SHROOM3: variants seen among roughly 807,000 people sequenced by gnomAD.
SHROOM3 encodes protein Shroom3.
In SHROOM3, 47 loss-of-function variants were observed where a neutral mutation model predicts 138.6. That is an observed-to-expected ratio of 0.34 (90% CI 0.27 to 0.43). The LOEUF is 0.43. Among genes scored for constraint, SHROOM3 ranks in the 20% least tolerant of loss-of-function variants. The pLI, the probability that SHROOM3 is intolerant of heterozygous loss-of-function variation, is 1.00. For synonymous variants in SHROOM3, 1,062 were observed against 1,063.3 expected (o/e 1.00, Z 0.02); for missense variants, 2,491 against 2,596.5 (o/e 0.96, Z 0.88).
chr4:76,544,546 T>TC (rs1733172092), intron 1 of SHROOM3, among the ~76,000 whole-genome samples: 1 of 150,704 alleles, frequency 6.6e-6, no homozygotes, highest in Admixed American at 6.6e-5. Context: ...CCTCCTGGCT[T>TC]TTTTTTGTTT....
intron 1 of SHROOM3, among the ~76,000 whole-genome samples, chr4:76,478,050 T>A (rs1045927997): frequency 1.3e-5 from 2 of 152,116 alleles, no homozygotes; most frequent in African/African-American, 4.8e-5. Flanking sequence ...ACTGGGCGGT[T>A]GTTTGGGCAG....
At chr4:76,564,962 C>A (rs1204379178) in intron 2 of SHROOM3, among the ~76,000 whole-genome samples, 1 of 151,700 alleles carries the variant, frequency 6.6e-6, no homozygotes, top group South Asian at 2.1e-4. Flanking sequence ...GAGTTCGAGA[C>A]CAGCCTGGCC....
At chr4:76,662,579 C>T (rs144571782) in intron 2 of SHROOM3, among the ~76,000 whole-genome samples, 1 of 152,182 alleles carries the variant, frequency 6.6e-6, no homozygotes, top group Non-Finnish European at 1.5e-5. Flanking sequence ...CCTTCACAAT[C>T]GATGTTTGAA....
chr4:76,730,101 A>G (rs970266564), intron 3 of SHROOM3, among the ~76,000 whole-genome samples: 3 of 152,180 alleles, frequency 2.0e-5, no homozygotes, highest in Admixed American at 1.3e-4. Flanking sequence ...TATAGTCCTT[A>G]CTGAATTCAT....
rs114145603 is a variant in SHROOM3, at chr4:76,671,315, G to A, written c.324-38841G>A. 8.8e-3 allele frequency among the ~76,000 whole-genome samples: 1,338 copies of A among 152,330 alleles called. 11 individuals carry two copies. Among genetic ancestry groups the A allele is most frequent in the South Asian group, 0.018 (87 of 4,826 alleles). On this transcript the variant is annotated intron_variant, in intron 2 of 10. Coordinates refer to ENST00000296043, the MANE Select transcript of SHROOM3 (RefSeq NM_020859.4). ...CACTACAACCATAGTGATCCTTCAA[G>A]AATGCAGATCTGATCCTGTCCCTCT...
At chr4:76,509,201 A>G (rs1380824044) in intron 1 of SHROOM3, 3 of 151,324 alleles carry the variant, frequency 2.0e-5, no homozygotes, top group Non-Finnish European at 4.4e-5. Flanking sequence ...TTATAAATGG[A>G]ATTTTTTTAA....
intron 2 of SHROOM3, among the ~76,000 whole-genome samples, chr4:76,601,002 T>C (rs1485605868): frequency 6.6e-6 from 1 of 152,238 alleles, no homozygotes; most frequent in East Asian, 1.9e-4. Flanking sequence ...TCTATTAGGT[T>C]GGTGCAAAAG....
At chr4:76,727,991 C>CAA (rs983893453) in intron 3 of SHROOM3, among the ~76,000 whole-genome samples, 11 of 146,482 alleles carry the variant, frequency 7.5e-5, no homozygotes, top group African/African-American at 2.8e-4. Context: ...CCGTCTCTAC[C>CAA]AAAAAAAAAA....
chr4:76,693,879 C>T (rs772200691), intron 2 of SHROOM3, among the ~76,000 whole-genome samples: 1 of 141,276 alleles, frequency 7.1e-6, no homozygotes. Flanking sequence ...TGATGATTGT[C>T]GAAGCTGAGC....
chr4:76,516,251 T>C (rs566281466), intron 1 of SHROOM3, among the ~76,000 whole-genome samples: 20 of 152,302 alleles, frequency 1.3e-4, no homozygotes, highest in Admixed American at 1.0e-3. Flanking sequence ...AGTTCCTCTT[T>C]CTCTCTAGCC....
At chr4:76,689,845 C>A in intron 2 of SHROOM3, 1 of 773,670 alleles carries the variant, frequency 1.3e-6, no homozygotes, top group Non-Finnish European at 1.6e-6. Flanking sequence ...CGGCCAGCAC[C>A]CCGGCTGATG....
chr4:76,625,894 G>C (rs1053796193), intron 2 of SHROOM3, among the ~76,000 whole-genome samples: 1 of 152,172 alleles, frequency 6.6e-6, no homozygotes, highest in Non-Finnish European at 1.5e-5. Context: ...ATTATACTTA[G>C]AGCCTAGCAC....
At chr4:76,607,928 G>A (rs1344525826) in intron 2 of SHROOM3, among the ~76,000 whole-genome samples, 1 of 152,168 alleles carries the variant, frequency 6.6e-6, no homozygotes, top group Non-Finnish European at 1.5e-5. Flanking sequence ...TAGCAAGAGT[G>A]CTGATGACTT....
intron 2 of SHROOM3, chr4:76,586,591 T>C (rs1209051961): frequency 1.5e-5 from 8 of 533,864 alleles, no homozygotes; most frequent in Non-Finnish European, 1.9e-5. Flanking sequence ...GTTAGGCCTT[T>C]GTGATGAAAT....
Position 76,476,342 on chromosome 4 carries a change from T to A in SHROOM3, c.168+40122T>A, listed in dbSNP as rs76862401. On this transcript the variant is annotated intron_variant, in intron 1 of 10. Coordinates refer to ENST00000296043, the MANE Select transcript of SHROOM3 (RefSeq NM_020859.4). ...AGACTCTCAAAGCCATTTGTGTTAA[T>A]TATATGACCTCCACTAAGCACTCAA... Among the ~76,000 whole-genome samples the A allele has an allele frequency of 5.9e-3, 894 of 152,336 alleles. 7 individuals are homozygous for A. The highest frequency in any genetic ancestry group is 0.041 in the East Asian group (215 of 5,186).
Position 76,741,296 on chromosome 4 carries a change from C to T in SHROOM3, c.3123C>T (p.Gly1041=), listed in dbSNP as rs1205768005. 6.2e-7 allele frequency: 1 copy of T among 1,612,062 alleles called. No homozygotes were observed. Among genetic ancestry groups the T allele is most frequent in the Non-Finnish European group, 8.5e-7 (1 of 1,179,658 alleles). Residue 1041 remains glycine, a synonymous_variant, in exon 5 of 11, where the codon GGC becomes GGT. Transcript: ENST00000296043. The surrounding 1 kb of genome is among the most constrained non-coding windows in gnomAD (Gnocchi z 6.2). Reference sequence around the variant, plus strand: ...AGGAGGCCGAACCGGCACCCCTGGGCCCGCAGAGAAATGGGATGCGTTTCC... The same window carrying T: ...AGGAGGCCGAACCGGCACCCCTGGGTCCGCAGAGAAATGGGATGCGTTTCC... ...IVEEAEPAPL[G]PQRNGMRFPE...
At chr4:76,552,069 G>T (rs1259368077) in intron 1 of SHROOM3, among the ~76,000 whole-genome samples, 1 of 147,934 alleles carries the variant, frequency 6.8e-6, no homozygotes, top group Non-Finnish European at 1.5e-5. Flanking sequence ...CACCGTGTTA[G>T]CCAGGATGGA....
chr4:76,635,406 T>G (rs552715709), intron 2 of SHROOM3, among the ~76,000 whole-genome samples: 82 of 152,268 alleles, frequency 5.4e-4, no homozygotes, highest in African/African-American at 1.9e-3. Context: ...GAGCTGGTCA[T>G]AAAAGAAAAA....
intron 1 of SHROOM3, among the ~76,000 whole-genome samples, chr4:76,446,043 C>G (rs1207417823): frequency 1.3e-5 from 2 of 152,112 alleles, no homozygotes; most frequent in Admixed American, 1.3e-4. Flanking sequence ...TCTCAATTGA[C>G]AAGACTTCCT....
Sources: allele counts gnomAD v4.1 joint callset (sites outside exome capture counted in the v4.1 genomes callset), GRCh38; gene constraint gnomAD v4.1.1; non-coding constraint Gnocchi (gnomAD v3.1); transcripts MANE v1.5; gene names NCBI Gene and HGNC (gene_info 2026-07-23, HGNC 2026-07-21).